LPAR3: variants seen among roughly 807,000 people sequenced by gnomAD.
The protein encoded by LPAR3 is lysophosphatidic acid receptor 3.
A neutral mutation model predicts 17.8 loss-of-function variants in LPAR3; 7 were observed. The observed-to-expected ratio is 0.39, with a 90% CI of 0.22 to 0.74. LPAR3 has a LOEUF of 0.74. Ranked by LOEUF, LPAR3 falls within the 30% of genes least tolerant of loss-of-function variation. LPAR3 has a pLI of 0.40. For synonymous variants in LPAR3, 179 were observed against 179.9 expected, an observed-to-expected ratio of 0.99 and a Z score of 0.04; for missense variants, 391 against 453.4, an observed-to-expected ratio of 0.86 and a Z score of 1.25.
intron 2 of LPAR3, among the ~76,000 whole-genome samples, chr1:84,844,818 C>T (rs997302831): frequency 1.3e-5 from 2 of 152,212 alleles, no homozygotes; most frequent in Non-Finnish European, 2.9e-5. Context: ...CCGACCCCGC[C>T]ACAGTCTTTT....
intron 1 of LPAR3, among the ~76,000 whole-genome samples, chr1:84,879,037 T>G (rs1246940855): frequency 6.6e-6 from 1 of 152,144 alleles, no homozygotes; most frequent in African/African-American, 2.4e-5. Flanking sequence ...TGAGAATGCT[T>G]CTTAGCCTCT....
chr1:84,837,536 A>G (rs777071873), intron 2 of LPAR3, among the ~76,000 whole-genome samples: 18 of 152,236 alleles, frequency 1.2e-4, no homozygotes, highest in Non-Finnish European at 2.5e-4. Context: ...GAGTGTATAC[A>G]CTGCCAAACT....
intron 2 of LPAR3, among the ~76,000 whole-genome samples, chr1:84,830,007 G>A (rs76004172): frequency 0.015 from 2,295 of 152,226 alleles, 52 homozygotes; most frequent in African/African-American, 0.052. Flanking sequence ...CAGAGATATT[G>A]TAGTCCCACA....
chr1:84,861,725 A>G (rs1250999962), intron 2 of LPAR3, among the ~76,000 whole-genome samples: 1 of 152,188 alleles, frequency 6.6e-6, no homozygotes, highest in African/African-American at 2.4e-5. Flanking sequence ...GTCTTCCACC[A>G]GGTTCCTCTG....
At position 84,865,455 on chromosome 1, in the gene LPAR3, C is replaced by CG; in HGVS notation, c.665dup (p.His223AlafsTer110). 6.2e-7 allele frequency: 1 copy of CG among 1,614,120 alleles called. No individual in the cohort carries two copies. The highest frequency in any genetic ancestry group is 8.5e-7 in the Non-Finnish European group (1 of 1,180,016). The stretch of plus-strand genomic sequence containing the variant: ...GGCGGCTGATGGACCCACTTGTATG[C>CG]GGAGACAAGACGTTGGTTTTCCTCT... On this transcript the variant is annotated frameshift_variant, in exon 2 of 3. Coordinates refer to ENST00000370611, the MANE Select transcript of LPAR3 (RefSeq NM_012152.3). LOFTEE classifies it high-confidence loss of function.
Position 84,849,544 on chromosome 1 carries a change from G to A in LPAR3, c.736+15841C>T, listed in dbSNP as rs143901985. Among the ~76,000 whole-genome samples, 746 of 152,154 alleles carry A rather than the reference G, an allele frequency of 4.9e-3. 5 individuals carry two copies. The highest frequency in any genetic ancestry group is 0.017 in the African/African-American group (707 of 41,514). ...GATAGGCAGACTCAGCACAGATAGA[G>A]AGCAGGAACACTGTCTCCCTGACTC... On this transcript the variant is annotated intron_variant, in intron 2 of 2. Transcript: ENST00000370611.
chr1:84,822,161 T>C (rs17377765), intron 2 of LPAR3, among the ~76,000 whole-genome samples: 11,509 of 152,276 alleles, frequency 0.076, 567 homozygotes, highest in Middle Eastern at 0.16. Context: ...TTTCCTTCTG[T>C]GGCCAAGTGA....
intron 2 of LPAR3, among the ~76,000 whole-genome samples, chr1:84,853,609 T>G (rs953030691): frequency 6.6e-6 from 1 of 152,176 alleles, no homozygotes; most frequent in African/African-American, 2.4e-5. Context: ...GCAGCCCCGA[T>G]GGGCCTTCTA....
intron 2 of LPAR3, among the ~76,000 whole-genome samples, chr1:84,860,734 ATTTTTTTT>A (rs35354113): frequency 7.0e-5 from 8 of 113,556 alleles, no homozygotes; most frequent in East Asian, 2.6e-4. Context: ...TTAGGATTTA[ATTTTTTTT>A]TTTTTTTTTT....
At chr1:84,845,964 A>G (rs918697165) in intron 2 of LPAR3, among the ~76,000 whole-genome samples, 21 of 152,194 alleles carry the variant, frequency 1.4e-4, no homozygotes, top group African/African-American at 5.1e-4. Context: ...CCACACAGCC[A>G]CAATCCTAAG....
chr1:84,847,543 C>G (rs1191342049), intron 2 of LPAR3, among the ~76,000 whole-genome samples: 1 of 152,212 alleles, frequency 6.6e-6, no homozygotes. Context: ...CATCAACAAG[C>G]CCAGGAAGCA....
chr1:84,837,908 G>A (rs1659435579), intron 2 of LPAR3, among the ~76,000 whole-genome samples: 1 of 152,118 alleles, frequency 6.6e-6, no homozygotes. Context: ...ATTCAGAAAT[G>A]GTATCCTTAG....
rs144786540 is a variant in LPAR3, at chr1:84,844,662, G to A, written c.736+20723C>T. Among the ~76,000 whole-genome samples the A allele has an allele frequency of 2.0e-3, 307 of 152,232 alleles. 2 individuals are homozygous for A. Among genetic ancestry groups the A allele is most frequent in the Middle Eastern group, 6.8e-3 (2 of 294 alleles). On this transcript the variant is annotated intron_variant, in intron 2 of 2. Transcript: ENST00000370611. The stretch of plus-strand genomic sequence containing the variant: ...TACAATGTAGCCTTATATAGCCACT[G>A]AAGAGAATTAGACATATGTTTATAC...
intron 1 of LPAR3, among the ~76,000 whole-genome samples, chr1:84,868,835 A>C (rs1445887117): frequency 4.6e-5 from 7 of 152,224 alleles, no homozygotes; most frequent in Admixed American, 4.6e-4. Flanking sequence ...AATAGTGAGC[A>C]ATAAATTTCT....
At chr1:84,866,835 A>C (rs1660060236) in intron 1 of LPAR3, among the ~76,000 whole-genome samples, 1 of 152,162 alleles carries the variant, frequency 6.6e-6, no homozygotes, top group Admixed American at 6.5e-5. Flanking sequence ...TTTGGTCCCA[A>C]TATCTCCCTT....
chr1:84,850,292 T>C (rs1309104084), intron 2 of LPAR3, among the ~76,000 whole-genome samples: 1 of 144,730 alleles, frequency 6.9e-6, no homozygotes, highest in South Asian at 2.1e-4. Context: ...GAGCACTGGC[T>C]CACGCCTGTA....
chr1:84,844,810 G>A (rs974412099), intron 2 of LPAR3, among the ~76,000 whole-genome samples: 9 of 152,108 alleles, frequency 5.9e-5, no homozygotes, highest in African/African-American at 1.9e-4. Context: ...ATACAACCCC[G>A]ACCCCGCCAC....
At chr1:84,864,768 G>A (rs1384466504) in intron 2 of LPAR3, among the ~76,000 whole-genome samples, 1 of 152,070 alleles carries the variant, frequency 6.6e-6, no homozygotes, top group Non-Finnish European at 1.5e-5. Flanking sequence ...GGGTGACAGA[G>A]TGAGTGAGGC....
intron 1 of LPAR3, among the ~76,000 whole-genome samples, chr1:84,866,628 G>A (rs761157856): frequency 1.6e-4 from 24 of 152,122 alleles, no homozygotes; most frequent in Admixed American, 1.0e-3. Context: ...ATTAATCAAC[G>A]GCAGGTTGGT....
Sources: allele counts gnomAD v4.1 joint callset (sites outside exome capture counted in the v4.1 genomes callset), GRCh38; gene constraint gnomAD v4.1.1; transcripts MANE v1.5; gene names NCBI Gene and HGNC (gene_info 2026-07-23, HGNC 2026-07-21).